Variants in EXO1 observed in about 807,000 individuals in gnomAD.
EXO1 encodes exonuclease 1.
In EXO1, 69 loss-of-function variants were observed where a neutral mutation model predicts 84.5. The ratio of observed to expected loss-of-function variants is 0.82; its 90% confidence interval spans 0.67 to 1.00. The LOEUF (loss-of-function observed/expected upper bound fraction) is 1.00. Among genes scored for constraint, EXO1 ranks in the 50% least tolerant of loss-of-function variants. The pLI, the probability that EXO1 is intolerant of heterozygous loss-of-function variation, is 0.00. For missense variants in EXO1, 1,045 were observed against 1,000.7 expected (o/e 1.04, Z -0.60); for synonymous variants, 373 against 366.1 (o/e 1.02, Z -0.21).
intron 7 of EXO1, among the ~76,000 whole-genome samples, chr1:241,858,166 T>C (rs1447550143): frequency 6.6e-6 from 1 of 152,214 alleles, no homozygotes; most frequent in Non-Finnish European, 1.5e-5. Flanking sequence ...ACTTAAAAGG[T>C]ACAAGTGACA....
Position 241,858,696 on chromosome 1 carries a change from C to G in EXO1, c.734C>G (p.Ala245Gly), listed in dbSNP as rs747186288. The change falls in exon 8 of 16, where the codon GCC becomes GGC. Residue 245 changes from alanine (A) to glycine (G), a missense_variant. By Grantham distance (60) the Ala-to-Gly change is moderately conservative. Transcript: ENST00000366548. ...AAGGCATGCAAAGTCCTAAGACTAG[C>G]CAATAATCCAGATATAGTAAAGGTA... ...LAKACKVLRLANNPDIVKVIK... is the reference protein window; with the variant it reads ...LAKACKVLRLGNNPDIVKVIK... The G allele has an allele frequency of 1.9e-5, 31 of 1,611,862 alleles. No individual in the cohort carries two copies. In the East Asian group the frequency reaches 6.7e-4, roughly 35 times the overall value.
chr1:241,861,501 T>C lies in EXO1; in HGVS notation c.1040T>C (p.Met347Thr). ...QIDDYNPDTA[M>T]PAHSRSHSWD... Reference sequence around the variant, plus strand: ...GATGACTACAATCCAGACACTGCTATGGTAACGTTTTGATGACCACCCTAT... The same window carrying C: ...GATGACTACAATCCAGACACTGCTACGGTAACGTTTTGATGACCACCCTAT... Residue 347 changes from methionine to threonine, a missense_variant and splice_region_variant, in exon 10 of 16, where the codon ATG becomes ACG. Physicochemically the swap from Met to Thr is moderately conservative, Grantham distance 81 (BLOSUM62 -1). Transcript: ENST00000366548. The C allele has an allele frequency of 6.5e-7, 1 of 1,539,614 alleles. No individual in the cohort carries two copies. The highest frequency in any genetic ancestry group is 9.0e-7 in the Non-Finnish European group (1 of 1,112,092).
At position 241,878,937 on chromosome 1, in the gene EXO1, T is replaced by C. The variant is rs1250512379; in HGVS notation, c.1703T>C (p.Ile568Thr). The change falls in exon 13 of 16, where the codon ATT becomes ACT. Residue 568 changes from isoleucine (I) to threonine (T), a missense_variant. Coordinates refer to ENST00000366548, the MANE Select transcript of EXO1 (RefSeq NM_130398.4). ...NSSDDIPNNH[I>T]PGDHIPDKAT... ...AGTGATGACATTCCGAATAATCATA[T>C]TCCAGGTGATCATATTCCAGACAAG... is the stretch of plus-strand genomic sequence containing the variant. 1 of 1,614,188 alleles carries C rather than the reference T, an allele frequency of 6.2e-7. No individual in the cohort carries two copies. The highest frequency in any genetic ancestry group is 1.1e-5 in the South Asian group (1 of 91,084).
Position 241,858,720 on chromosome 1 carries a change from TAAGAGTGA to T in EXO1, c.756+3_756+10del. On this transcript the variant is annotated splice_donor_5th_base_variant and intron_variant, in intron 8 of 15. Coordinates refer to ENST00000366548, the MANE Select transcript of EXO1 (RefSeq NM_130398.4). ...GCCAATAATCCAGATATAGTAAAGGTAAGAGTGATTTGCTAAGTGTCATATTCAATTTC... is the reference window on the plus strand; with the variant it reads ...GCCAATAATCCAGATATAGTAAAGGTTTTGCTAAGTGTCATATTCAATTTC... The T allele has an allele frequency of 6.3e-7, 1 of 1,586,708 alleles. No homozygotes were observed. The highest frequency in any genetic ancestry group is 8.7e-7 in the Non-Finnish European group (1 of 1,154,966).
chr1:241,858,567 T>G lies in EXO1; in HGVS notation c.605T>G (p.Met202Arg). ...GAAATTGATCAAGCTCGGCTAGGAA[T>G]GTGCAGACAGCTTGGGGATGTATTC... Reference protein sequence around the residue: ...GLEIDQARLGMCRQLGDVFTE... With the variant: ...GLEIDQARLGRCRQLGDVFTE... Residue 202 changes from methionine (M) to arginine (R), a missense_variant, in exon 8 of 16, where the codon ATG becomes AGG. Physicochemically the swap from Met to Arg is moderately conservative, Grantham distance 91. Transcript: ENST00000366548. The G allele has an allele frequency of 6.2e-7, 1 of 1,614,184 alleles. No homozygotes were observed. The highest frequency in any genetic ancestry group is 8.5e-7 in the Non-Finnish European group (1 of 1,179,994).
intron 13 of EXO1, among the ~76,000 whole-genome samples, chr1:241,880,054 TA>T (rs1029180443): frequency 6.6e-6 from 1 of 151,954 alleles, no homozygotes; most frequent in Non-Finnish European, 1.5e-5. Context: ...ATAACCCTGT[TA>T]ATGCAATGGT....
At chr1:241,853,582 T>C (rs1660787582) in intron 6 of EXO1, 101 bp downstream of exon 6, 2 of 1,243,318 alleles carry the variant, frequency 1.6e-6, no homozygotes, top group Non-Finnish European at 2.4e-6. Flanking sequence ...GTTCTAGGCC[T>C]AACCTCAAGT....
chr1:241,877,641 A>G (rs149465653), intron 12 of EXO1, among the ~76,000 whole-genome samples: 1 of 152,134 alleles, frequency 6.6e-6, no homozygotes. Context: ...TTATCTGATC[A>G]TGTATAATAG....
intron 11 of EXO1, among the ~76,000 whole-genome samples, chr1:241,870,561 A>G (rs1662029072): frequency 6.6e-6 from 1 of 152,232 alleles, no homozygotes; most frequent in African/African-American, 2.4e-5. Flanking sequence ...CTAAGATTGC[A>G]TTCACATTCT....
At chr1:241,873,216 C>A (rs1402885443) in intron 12 of EXO1, among the ~76,000 whole-genome samples, 1 of 151,988 alleles carries the variant, frequency 6.6e-6, no homozygotes, top group African/African-American at 2.4e-5. Context: ...TAATGCTATC[C>A]CTCCTCCCTC....
intron 10 of EXO1, among the ~76,000 whole-genome samples, chr1:241,863,742 C>T (rs923451970): frequency 2.0e-5 from 3 of 152,240 alleles, no homozygotes; most frequent in East Asian, 1.9e-4. Context: ...AACCTTGCTC[C>T]ATGTAATACG....
chr1:241,864,144 A>G (rs933791693), intron 10 of EXO1, among the ~76,000 whole-genome samples: 1 of 152,182 alleles, frequency 6.6e-6, no homozygotes, highest in Non-Finnish European at 1.5e-5. Flanking sequence ...CTCATGGGGA[A>G]CATTGTGTGA....
rs747820116 is a variant in EXO1, at chr1:241,885,516, C to CCTTGTTT, written c.2405+13_2405+19dup. 6.3e-7 allele frequency: 1 copy of CCTTGTTT among 1,594,164 alleles called. No homozygotes were observed. The highest frequency in any genetic ancestry group is 1.3e-5 in the African/African-American group (1 of 74,538). On this transcript the variant is annotated intron_variant, in intron 15 of 15. Coordinates refer to ENST00000366548, the MANE Select transcript of EXO1 (RefSeq NM_130398.4). Reference sequence around the variant, plus strand: ...AACTTTGGATTTAAAAAGTGAGTTGCCTTGTTTCTTATTCTGAAACAAGAT... The same window carrying CCTTGTTT: ...AACTTTGGATTTAAAAAGTGAGTTGCCTTGTTTCTTGTTTCTTATTCTGAAACAAGAT...
intron 5 of EXO1, among the ~76,000 whole-genome samples, 157 bp downstream of exon 5, chr1:241,852,568 C>G (rs1035778312): frequency 4.6e-5 from 7 of 152,128 alleles, no homozygotes; most frequent in South Asian, 2.1e-4. Flanking sequence ...TCACTTGAGC[C>G]CAGGAGTTCA....
chr1:241,859,048 T>C (rs1661222907), intron 8 of EXO1, among the ~76,000 whole-genome samples: 1 of 152,314 alleles, frequency 6.6e-6, no homozygotes, highest in East Asian at 1.9e-4. Flanking sequence ...TCAAACTGTT[T>C]GGTCGCAGGA....
At chr1:241,858,447 G>A in intron 7 of EXO1, 59 bp from the exon 8 acceptor site, 1 of 1,012,136 alleles carries the variant, frequency 9.9e-7, no homozygotes, top group Non-Finnish European at 1.6e-6. Context: ...TATTGCAGTG[G>A]ATTAGATAAT....
intron 6 of EXO1, 132 bp downstream of exon 6, chr1:241,853,613 A>T: frequency 1.1e-6 from 1 of 883,602 alleles, no homozygotes; most frequent in Non-Finnish European, 1.8e-6. Context: ...TGTCAGAAGG[A>T]GAAGGGAACA....
chr1:241,883,400 T>C (rs865937519), intron 14 of EXO1, among the ~76,000 whole-genome samples: 3 of 152,202 alleles, frequency 2.0e-5, no homozygotes, highest in Admixed American at 2.0e-4. Flanking sequence ...GCCTTCTCGC[T>C]GTGTCCTTAC....
intron 14 of EXO1, among the ~76,000 whole-genome samples, chr1:241,882,591 T>A (rs1487206296): frequency 6.6e-6 from 1 of 152,188 alleles, no homozygotes; most frequent in Non-Finnish European, 1.5e-5. Flanking sequence ...ATTTTATATA[T>A]TAAATGTTCT....
Sources: gnomAD v4.1 joint callset for allele counts (sites outside exome capture counted in the v4.1 genomes callset) on GRCh38, gnomAD v4.1.1 for gene constraint, MANE v1.5 for transcripts, NCBI Gene and HGNC (gene_info 2026-07-23, HGNC 2026-07-21) for gene names.